The following CRB1 variants were observed in gnomAD, a reference collection of about 807,000 sequenced individuals.
The protein encoded by CRB1 is crumbs cell polarity complex component 1, also known as protein crumbs homolog 1.
A neutral mutation model predicts 120.0 loss-of-function variants in CRB1; 83 were observed. That is an observed-to-expected ratio of 0.69 (90% CI 0.58 to 0.83). CRB1 has a LOEUF of 0.83. CRB1 is among the 40% of genes least tolerant of loss of function. The probability of loss-of-function intolerance (pLI) is 0.00; values close to 1 mark genes in which losing one functional copy is unlikely to be tolerated. For synonymous variants in CRB1, 625 were observed against 612.5 expected, an observed-to-expected ratio of 1.02 and a Z score of -0.30; for missense variants, 1,699 against 1,687.6, an observed-to-expected ratio of 1.01 and a Z score of -0.12.
intron 8 of CRB1, among the ~76,000 whole-genome samples, chr1:197,431,548 G>A (rs1469456934): frequency 6.6e-6 from 1 of 152,040 alleles, no homozygotes; most frequent in Non-Finnish European, 1.5e-5. Flanking sequence ...CCTGGTGTCC[G>A]AATTGTTTTG....
At chr1:197,372,227 C>T (rs1423962371) in intron 5 of CRB1, among the ~76,000 whole-genome samples, 2 of 152,128 alleles carry the variant, frequency 1.3e-5, no homozygotes, top group Non-Finnish European at 2.9e-5. Flanking sequence ...GCCAATTGTA[C>T]ATAAGTCCCA....
chr1:197,423,869 C>A (rs1320252094), intron 6 of CRB1, among the ~76,000 whole-genome samples: 3 of 152,108 alleles, frequency 2.0e-5, no homozygotes, highest in Non-Finnish European at 4.4e-5. Context: ...AATCTAATTT[C>A]TCAACAGAAA....
At chr1:197,237,095 G>A in the CRB1 span, among the ~76,000 whole-genome samples, 1 of 151,236 alleles carries the variant, frequency 6.6e-6, no homozygotes, top group Non-Finnish European at 1.5e-5. Flanking sequence ...AGAGAGTTTG[G>A]ATCATTTCTG....
chr1:197,327,030 T>C (rs1436095684), intron 1 of CRB1, among the ~76,000 whole-genome samples: 1 of 143,544 alleles, frequency 7.0e-6, no homozygotes, highest in Non-Finnish European at 1.5e-5. Context: ...AGCTAGCATT[T>C]ACCAAACACT....
intron 11 of CRB1, among the ~76,000 whole-genome samples, chr1:197,453,324 A>C (rs1024189593): frequency 7.5e-5 from 9 of 120,254 alleles, no homozygotes; most frequent in African/African-American, 2.6e-4. Context: ...TATATATAAT[A>C]AGTATATATA....
chr1:197,422,915 G>A (rs1028605941), intron 6 of CRB1: 1 of 152,098 alleles, frequency 6.6e-6, no homozygotes, highest in African/African-American at 2.4e-5. Context: ...ATGTTCAAAT[G>A]TCTAAGAATT....
chr1:197,465,522 GT>G (rs1355220831), intron 11 of CRB1, among the ~76,000 whole-genome samples: 1 of 152,000 alleles, frequency 6.6e-6, no homozygotes, highest in Non-Finnish European at 1.5e-5. Context: ...TAATATGAAG[GT>G]TTCTATCTTT....
intron 5 of CRB1, among the ~76,000 whole-genome samples, chr1:197,402,024 TTTC>T (rs1209611494): frequency 1.1e-4 from 17 of 152,144 alleles, no homozygotes; most frequent in African/African-American, 4.1e-4. Flanking sequence ...TATTATTGTT[TTTC>T]TTCTTTTTGT....
chr1:197,323,227 T>TATA, intron 1 of CRB1, among the ~76,000 whole-genome samples: 1 of 152,200 alleles, frequency 6.6e-6, no homozygotes, highest in East Asian at 1.9e-4. Flanking sequence ...ATTAATTGTG[T>TATA]ATAATAAAAC....
At chr1:197,439,660 G>A (rs184861080) in intron 10 of CRB1, 35 of 152,136 alleles carry the variant, frequency 2.3e-4, no homozygotes, top group Middle Eastern at 3.4e-3. Context: ...GGTAAGATAA[G>A]TGATCTCTGA....
At chr1:197,412,149 T>C (rs1218241185) in intron 5 of CRB1, among the ~76,000 whole-genome samples, 1 of 152,252 alleles carries the variant, frequency 6.6e-6, no homozygotes, top group Non-Finnish European at 1.5e-5. Context: ...GAATGACTAC[T>C]AGAGGTAACC....
chr1:197,363,272 G>GTCTAT (rs1298048889), intron 5 of CRB1, among the ~76,000 whole-genome samples: 8 of 151,656 alleles, frequency 5.3e-5, no homozygotes, highest in African/African-American at 1.9e-4. Context: ...TTACTTATGT[G>GTCTAT]TCTATTCTCC....
chr1:197,364,084 G>A (rs1265187217), intron 5 of CRB1: 11 of 1,240,188 alleles, frequency 8.9e-6, no homozygotes, highest in Non-Finnish European at 1.1e-5. Flanking sequence ...CTGCTGAGGC[G>A]GGCAGATCCG....
At chr1:197,431,057 C>A (rs918824929) in intron 8 of CRB1, among the ~76,000 whole-genome samples, 7 of 151,060 alleles carry the variant, frequency 4.6e-5, no homozygotes, top group Admixed American at 4.6e-4. Context: ...CAAAACAAGA[C>A]CCTGTCTCAA....
At chr1:197,299,669 A>C (rs1385791500) in intron 1 of CRB1, among the ~76,000 whole-genome samples, 1 of 152,186 alleles carries the variant, frequency 6.6e-6, no homozygotes, top group Non-Finnish European at 1.5e-5. Context: ...GTTGTTAGAG[A>C]ATATTGAAAA....
chr1:197,362,871 T>C (rs1660847561), intron 5 of CRB1, among the ~76,000 whole-genome samples: 1 of 152,184 alleles, frequency 6.6e-6, no homozygotes, highest in South Asian at 2.1e-4. Context: ...ATTTAGACCA[T>C]TTATGTTTAA....
At chr1:197,324,355 C>T (rs1026251796) in intron 1 of CRB1, among the ~76,000 whole-genome samples, 2 of 152,130 alleles carry the variant, frequency 1.3e-5, no homozygotes, top group Non-Finnish European at 2.9e-5. Context: ...GTACATGGCA[C>T]TCTGCTAGTC....
the CRB1 span, among the ~76,000 whole-genome samples, chr1:197,250,362 C>T: frequency 7.2e-5 from 11 of 151,952 alleles, no homozygotes; most frequent in Middle Eastern, 3.4e-3. Flanking sequence ...TGCAAAACTC[C>T]TTTTAGGTGG....
chr1:197,449,984 T>C (rs1665882854), intron 11 of CRB1, among the ~76,000 whole-genome samples: 1 of 152,188 alleles, frequency 6.6e-6, no homozygotes, highest in African/African-American at 2.4e-5. Context: ...ACGTCTCTCC[T>C]AGTTTTAGTT....
Sources: allele counts gnomAD v4.1 joint callset (sites outside exome capture counted in the v4.1 genomes callset), GRCh38; gene constraint gnomAD v4.1.1; transcripts MANE v1.5; gene names NCBI Gene and HGNC (gene_info 2026-07-23, HGNC 2026-07-21).